The following UNC5C variants were observed in gnomAD, a reference collection of about 807,000 sequenced individuals.
UNC5C encodes netrin receptor UNC5C.
UNC5C carries 47 observed loss-of-function variants against 99.8 expected under a neutral mutation model. The observed-to-expected ratio is 0.47, with a 90% CI of 0.37 to 0.60. The LOEUF (loss-of-function observed/expected upper bound fraction) is 0.60. Ranked by LOEUF, UNC5C falls within the 20% of genes least tolerant of loss-of-function variation. The pLI, the probability that UNC5C is intolerant of heterozygous loss-of-function variation, is 0.00. For missense variants in UNC5C, 1,062 were observed against 1,165.9 expected (o/e 0.91, Z 1.30); for synonymous variants, 487 against 452.2 (o/e 1.08, Z -0.98).
At chr4:95,430,427 C>G (rs2149460041) in intron 1 of UNC5C, among the ~76,000 whole-genome samples, 1 of 152,114 alleles carries the variant, frequency 6.6e-6, no homozygotes, top group Non-Finnish European at 1.5e-5. Flanking sequence ...TAAATGTACC[C>G]AAAATCAATG....
chr4:95,521,217 C>CTTTTTTTTTTTTTTTTTT (rs201147890), intron 1 of UNC5C, among the ~76,000 whole-genome samples: 2 of 45,098 alleles, frequency 4.4e-5, no homozygotes, highest in Non-Finnish European at 9.2e-5. Context: ...TTTCTTTTTT[C>CTTTTTTTTTTTTTTTTTT]TTTTTTCTTT....
intron 1 of UNC5C, among the ~76,000 whole-genome samples, chr4:95,433,456 T>C (rs1350795043): frequency 6.6e-6 from 1 of 152,082 alleles, no homozygotes; most frequent in Non-Finnish European, 1.5e-5. Flanking sequence ...TTTTCAAACA[T>C]ACAGCAAAGT....
At chr4:95,253,652 G>T (rs1403278229) in intron 4 of UNC5C, among the ~76,000 whole-genome samples, 1 of 152,118 alleles carries the variant, frequency 6.6e-6, no homozygotes, top group Non-Finnish European at 1.5e-5. Context: ...GAAGCAAAGG[G>T]TCCTACAGCT....
intron 3 of UNC5C, among the ~76,000 whole-genome samples, chr4:95,285,417 T>G (rs1741197723): frequency 1.3e-5 from 2 of 152,148 alleles, no homozygotes; most frequent in Non-Finnish European, 2.9e-5. Flanking sequence ...TTGTGAATAT[T>G]AAAATAGATA....
At position 95,206,762 on chromosome 4, in the gene UNC5C, G is replaced by T; in HGVS notation, c.1768C>A (p.Pro590Thr). 1.2e-6 allele frequency: 2 copies of T among 1,611,984 alleles called. No individual in the cohort carries two copies. Among genetic ancestry groups the T allele is most frequent in the Admixed American group, 1.7e-5 (1 of 59,638 alleles). ...PMDDSQTLLTPVVSCGPPGAL... is the reference protein window; with the variant it reads ...PMDDSQTLLTTVVSCGPPGAL... ...CCTGGGGGCCCACAGCTCACCACAG[G>T]GGTCAAAAGTGTCTGAGAGTCATCC... Residue 590 changes from proline (P) to threonine (T), a missense_variant, in exon 11 of 16, where the codon CCT becomes ACT. This residue lies in a region of UNC5C where 810 missense variants were observed against 854.5 expected (regional missense o/e 0.95). Coordinates refer to ENST00000453304, the MANE Select transcript of UNC5C (RefSeq NM_003728.4).
rs565654522 is a variant in UNC5C, at chr4:95,339,212, A to G, written c.125-3581T>C. On this transcript the variant is annotated intron_variant, in intron 1 of 15. Transcript: ENST00000453304. ...AATTCTCTAAGCAAGCGTATTTGCA[A>G]TGGTGTGCAAGGGAAGGTGTGTGAC... 2.6e-4 allele frequency among the ~76,000 whole-genome samples: 40 copies of G among 152,216 alleles called. 1 individual carries two copies. In the South Asian group the frequency reaches 7.9e-3, roughly 30 times the overall value.
chr4:95,357,135 GTT>G (rs33936765), intron 1 of UNC5C, among the ~76,000 whole-genome samples: 1 of 146,004 alleles, frequency 6.8e-6, no homozygotes. Flanking sequence ...CCTTTTTTTT[GTT>G]TTTTTTTTTA....
chr4:95,422,839 TTA>T (rs939899987), intron 1 of UNC5C, among the ~76,000 whole-genome samples: 5 of 152,170 alleles, frequency 3.3e-5, no homozygotes, highest in African/African-American at 9.7e-5. Flanking sequence ...ACATGTGTGG[TTA>T]TATGTGTTTC....
chr4:95,456,139 C>T (rs554234752), intron 1 of UNC5C, among the ~76,000 whole-genome samples: 93 of 151,902 alleles, frequency 6.1e-4, no homozygotes, highest in African/African-American at 2.1e-3. Flanking sequence ...TTGTATCTTT[C>T]GTGTGTATAA....
At chr4:95,212,525 T>G (rs748397052) in intron 10 of UNC5C, among the ~76,000 whole-genome samples, 4 of 152,166 alleles carry the variant, frequency 2.6e-5, no homozygotes, top group Non-Finnish European at 5.9e-5. Context: ...GCCTTATCCT[T>G]ACATGTTCTA....
intron 1 of UNC5C, among the ~76,000 whole-genome samples, chr4:95,397,856 C>A (rs867036043): frequency 5.9e-5 from 9 of 152,250 alleles, no homozygotes; most frequent in Middle Eastern, 3.4e-3. Flanking sequence ...TATTATACAA[C>A]ATCAAGACAA....
intron 3 of UNC5C, among the ~76,000 whole-genome samples, chr4:95,297,164 T>C (rs1741695959): frequency 6.6e-6 from 1 of 152,084 alleles, no homozygotes; most frequent in African/African-American, 2.4e-5. Context: ...TCCTATGGAG[T>C]CATCACGTGT....
rs775570031 is a variant in UNC5C, at chr4:95,258,746, C to CTTT, written c.595-8082_595-8080dup. The stretch of plus-strand genomic sequence containing the variant: ...ACTATGTGTAATCGACCATCTTATT[C>CTTT]TTTTTTTTTTTTTTTTTTTTTTTTT... On this transcript the variant is annotated intron_variant, in intron 4 of 15. Transcript: ENST00000453304. Among the ~76,000 whole-genome samples the CTTT allele has an allele frequency of 8.5e-4, 65 of 76,044 alleles. 1 individual carries two copies. Among genetic ancestry groups the CTTT allele is most frequent in the East Asian group, 1.6e-3 (3 of 1,890 alleles). 49.9% of individuals were successfully genotyped at this position (76,044 alleles called of 152,430 possible). A position where few individuals can be genotyped will look rare whatever the true frequency, so the allele number is the denominator to read the frequency against.
chr4:95,451,465 C>A (rs1261108785), intron 1 of UNC5C, among the ~76,000 whole-genome samples: 1 of 152,078 alleles, frequency 6.6e-6, no homozygotes, highest in Non-Finnish European at 1.5e-5. Context: ...GATATCTTAA[C>A]CATAAGTCAA....
chr4:95,234,310 G>T (rs1034853963), intron 7 of UNC5C, among the ~76,000 whole-genome samples: 9 of 151,616 alleles, frequency 5.9e-5, no homozygotes, highest in Non-Finnish European at 1.0e-4. Flanking sequence ...TGTTATTAAT[G>T]TTAAGTTTTT....
At chr4:95,308,572 G>T (rs892393142) in intron 2 of UNC5C, among the ~76,000 whole-genome samples, 5 of 151,620 alleles carry the variant, frequency 3.3e-5, no homozygotes, top group African/African-American at 1.2e-4. Context: ...GGCCAAGATG[G>T]TGAAACTCTG....
chr4:95,212,935 T>TC (rs1345188376), intron 10 of UNC5C, among the ~76,000 whole-genome samples: 1 of 152,196 alleles, frequency 6.6e-6, no homozygotes, highest in East Asian at 1.9e-4. Context: ...CTCCTCCTCC[T>TC]CTCTCCTCAC....
intron 7 of UNC5C, among the ~76,000 whole-genome samples, chr4:95,240,669 C>A (rs1045480648): frequency 6.6e-6 from 1 of 152,172 alleles, no homozygotes; most frequent in African/African-American, 2.4e-5. Flanking sequence ...AAATCTCCTC[C>A]TATAGCCTCA....
At chr4:95,319,714 C>T (rs1358246571) in intron 2 of UNC5C, among the ~76,000 whole-genome samples, 4 of 152,124 alleles carry the variant, frequency 2.6e-5, no homozygotes, top group Non-Finnish European at 4.4e-5. Flanking sequence ...TAGCAATGTC[C>T]TCCCAACTCA....
Sources: allele counts gnomAD v4.1 joint callset (sites outside exome capture counted in the v4.1 genomes callset), GRCh38; gene constraint gnomAD v4.1.1; regional missense constraint gnomAD v4.1.1; transcripts MANE v1.5; gene names NCBI Gene and HGNC (gene_info 2026-07-23, HGNC 2026-07-21).